The following FAM174B variants were observed in gnomAD, a reference collection of about 807,000 sequenced individuals.
FAM174B encodes membrane protein FAM174B.
Under a neutral mutation model 10.9 loss-of-function variants are expected in FAM174B, and 12 were observed. The ratio of observed to expected loss-of-function variants is 1.10; its 90% CI spans 0.71 to 1.79. The LOEUF (loss-of-function observed/expected upper bound fraction) is 1.79, where lower values mean the gene tolerates loss of function less well. Ranked by LOEUF, FAM174B falls within the 40% of genes most tolerant of loss-of-function variation. The pLI is 0.00. For synonymous variants in FAM174B, 132 were observed against 115.8 expected (o/e 1.14, Z -0.90); for missense variants, 266 against 233.3 (o/e 1.14, Z -0.91).
intron 1 of FAM174B, among the ~76,000 whole-genome samples, chr15:92,639,424 C>A (rs1219880944): frequency 6.6e-6 from 1 of 152,210 alleles, no homozygotes; most frequent in Non-Finnish European, 1.5e-5. Context: ...TGCTGGGGAT[C>A]TAAATGAGCT....
chr15:92,640,878 CAA>C (rs1169477929), intron 1 of FAM174B, among the ~76,000 whole-genome samples: 3 of 151,868 alleles, frequency 2.0e-5, no homozygotes, highest in Non-Finnish European at 4.4e-5. Flanking sequence ...CTCCTGACCT[CAA>C]GTGATCCACC....
intron 2 of FAM174B, among the ~76,000 whole-genome samples, chr15:92,628,338 CTTTTTTTTTT>C (rs35251307): frequency 1.2e-5 from 1 of 84,918 alleles, no homozygotes; most frequent in Non-Finnish European, 2.1e-5. Context: ...CTAATTTTTG[CTTTTTTTTTT>C]TTTTTTTTTT....
In FAM174B at chr15:92,631,083, T is replaced by C. The variant is rs538699612; in HGVS notation, c.345-738A>G. On this transcript the variant is annotated intron_variant, in intron 1 of 2. Transcript: ENST00000327355. ...ATTACGTATTACATATTACATATTATATATTATATATTACGTATTACATAT... is the reference window on the plus strand; with the variant it reads ...ATTACGTATTACATATTACATATTACATATTATATATTACGTATTACATAT... Among the ~76,000 whole-genome samples the C allele has an allele frequency of 6.0e-5, 2 of 33,488 alleles. 1 individual carries two copies. Among genetic ancestry groups the C allele is most frequent in the Non-Finnish European group, 1.3e-4 (2 of 15,886 alleles). The allele number at this position is 33,488 out of a possible 152,430, so 22.0% of individuals were successfully genotyped here. A position where few individuals can be genotyped will look rare whatever the true frequency, so the allele number is the denominator to read the frequency against.
At chr15:92,632,566 G>A (rs991273531) in intron 1 of FAM174B, among the ~76,000 whole-genome samples, 1 of 152,168 alleles carries the variant, frequency 6.6e-6, no homozygotes, top group African/African-American at 2.4e-5. Context: ...CTGGAGTGCA[G>A]TGGTGCAATC....
chr15:92,638,649 G>A (rs983919455), intron 1 of FAM174B, among the ~76,000 whole-genome samples: 1 of 152,200 alleles, frequency 6.6e-6, no homozygotes, highest in Non-Finnish European at 1.5e-5. Context: ...CTCTCGTCAT[G>A]AACCCGAATT....
At chr15:92,647,987 T>G (rs1357867973) in intron 1 of FAM174B, among the ~76,000 whole-genome samples, 2 of 152,206 alleles carry the variant, frequency 1.3e-5, no homozygotes, top group Admixed American at 6.5e-5. Flanking sequence ...CATTCCTTTC[T>G]ATTGACTTCA....
chr15:92,646,352 G>A (rs2050927431), intron 1 of FAM174B, among the ~76,000 whole-genome samples: 2 of 152,200 alleles, frequency 1.3e-5, no homozygotes, highest in Non-Finnish European at 2.9e-5. Context: ...TGGGAAGGGT[G>A]AGGCGGACTC....
At chr15:92,651,007 G>A (rs974712734) in intron 1 of FAM174B, among the ~76,000 whole-genome samples, 2 of 152,234 alleles carry the variant, frequency 1.3e-5, no homozygotes, top group South Asian at 2.1e-4. Flanking sequence ...AAAGGTGGAC[G>A]TGATTCTACA....
intron 1 of FAM174B, among the ~76,000 whole-genome samples, chr15:92,644,345 T>C (rs376942897): frequency 2.0e-5 from 3 of 152,198 alleles, no homozygotes; most frequent in East Asian, 3.9e-4. Flanking sequence ...GACAAGCCAC[T>C]GAGAGGCAAA....
At chr15:92,644,984 A>C (rs2141962429) in intron 1 of FAM174B, among the ~76,000 whole-genome samples, 1 of 152,336 alleles carries the variant, frequency 6.6e-6, no homozygotes, top group East Asian at 1.9e-4. Context: ...GCAGATCAAA[A>C]AACAAAACAA....
At chr15:92,651,706 A>T (rs1198196971) in intron 1 of FAM174B, among the ~76,000 whole-genome samples, 1 of 152,238 alleles carries the variant, frequency 6.6e-6, no homozygotes, top group Non-Finnish European at 1.5e-5. Flanking sequence ...AAACCTTTTC[A>T]CTATCAAACA....
rs751692494 is a variant in FAM174B, at chr15:92,619,265, C to T, written c.*191G>A. Reference sequence around the variant, plus strand: ...GGCAGAAGCAACTCCATTGTGGTGACGTGGAAACGAGCTTGCCAGTGACAG... The same window carrying T: ...GGCAGAAGCAACTCCATTGTGGTGATGTGGAAACGAGCTTGCCAGTGACAG... On this transcript the variant is annotated 3_prime_UTR_variant, in exon 3 of 3. Coordinates refer to ENST00000327355, the MANE Select transcript of FAM174B (RefSeq NM_207446.3). 1.4e-6 allele frequency: 1 copy of T among 724,758 alleles called. No homozygotes were observed. Among genetic ancestry groups the T allele is most frequent in the Non-Finnish European group, 2.5e-6 (1 of 400,664 alleles). 44.9% of individuals were successfully genotyped at this position (724,758 alleles called of 1,614,324 possible).
At chr15:92,636,558 G>A (rs1340805045) in intron 1 of FAM174B, among the ~76,000 whole-genome samples, 4 of 152,156 alleles carry the variant, frequency 2.6e-5, no homozygotes, top group African/African-American at 7.2e-5. Flanking sequence ...CTTTCAGTGG[G>A]GCCTCCTTCC....
chr15:92,647,102 CA>C (rs2050933563), intron 1 of FAM174B, among the ~76,000 whole-genome samples: 1 of 152,314 alleles, frequency 6.6e-6, no homozygotes, highest in African/African-American at 2.4e-5. Flanking sequence ...GTGAGGAAAA[CA>C]TATAAAATGC....
In FAM174B at chr15:92,627,306, T is replaced by C. The variant is rs116329518; in HGVS notation, c.476+2908A>G. On this transcript the variant is annotated intron_variant, in intron 2 of 2. Coordinates refer to ENST00000327355, the MANE Select transcript of FAM174B (RefSeq NM_207446.3). ...TACCAGGTGGTTTACCTTTAGTAGTTTGTTTGTTTCACAGCCAGCAGCAAT... is the reference window on the plus strand; with the variant it reads ...TACCAGGTGGTTTACCTTTAGTAGTCTGTTTGTTTCACAGCCAGCAGCAAT... The C allele has an allele frequency of 4.4e-3, 725 of 165,134 alleles. 5 individuals are homozygous for C. The highest frequency in any genetic ancestry group is 0.016 in the African/African-American group (671 of 41,506). The allele number at this position is 165,134 out of a possible 1,614,324, so 10.2% of individuals were successfully genotyped here. A position where few individuals can be genotyped will look rare whatever the true frequency, so the allele number is the denominator to read the frequency against.
chr15:92,644,191 C>T (rs1451816130), intron 1 of FAM174B, among the ~76,000 whole-genome samples: 1 of 152,096 alleles, frequency 6.6e-6, no homozygotes, highest in Non-Finnish European at 1.5e-5. Context: ...GTGTTGGAGG[C>T]CCCTGGACAA....
chr15:92,632,007 T>C (rs1200209692), intron 1 of FAM174B, among the ~76,000 whole-genome samples: 1 of 152,124 alleles, frequency 6.6e-6, no homozygotes, highest in Non-Finnish European at 1.5e-5. Flanking sequence ...TCCATTCCCT[T>C]ACAAACCAGG....
At chr15:92,652,507 G>C (rs2050973037) in intron 1 of FAM174B, among the ~76,000 whole-genome samples, 1 of 152,172 alleles carries the variant, frequency 6.6e-6, no homozygotes, top group Admixed American at 6.5e-5. Context: ...CTGATCTGAA[G>C]AGTCAGCCTT....
In FAM174B at chr15:92,640,934, C is replaced by T. The variant is rs149193279; in HGVS notation, c.345-10589G>A. Among the ~76,000 whole-genome samples, 246 of 152,168 alleles carry T rather than the reference C, an allele frequency of 1.6e-3. 1 individual carries two copies. The highest frequency in any genetic ancestry group is 5.0e-3 in the African/African-American group (206 of 41,500). ...TGCTGGGATTACAGGCATGAGCCAC[C>T]GCGCCTGGCTAACATATTATAAATG... On this transcript the variant is annotated intron_variant, in intron 1 of 2. Transcript: ENST00000327355.
Sources: gnomAD v4.1 joint callset for allele counts (sites outside exome capture counted in the v4.1 genomes callset) on GRCh38, gnomAD v4.1.1 for gene constraint, MANE v1.5 for transcripts, NCBI Gene and HGNC (gene_info 2026-07-23, HGNC 2026-07-21) for gene names.